Variants in ADAMTS14 observed in about 807,000 individuals in gnomAD.
ADAMTS14 encodes the protein A disintegrin and metalloproteinase with thrombospondin motifs 14.
A neutral mutation model predicts 128.6 loss-of-function variants in ADAMTS14; 100 were observed. The observed-to-expected ratio is 0.78, with a 90% CI of 0.66 to 0.92. The LOEUF (loss-of-function observed/expected upper bound fraction) is 0.92, where lower values mean the gene tolerates loss of function less well. ADAMTS14 is among the 40% of genes least tolerant of loss of function. ADAMTS14 has a pLI of 0.00. For missense variants in ADAMTS14, 1,562 were observed against 1,658.6 expected (o/e 0.94, Z 1.01); for synonymous variants, 665 against 653.8 (o/e 1.02, Z -0.26).
chr10:70,742,275 T>C (rs1401117972), intron 12 of ADAMTS14, among the ~76,000 whole-genome samples: 2 of 152,044 alleles, frequency 1.3e-5, no homozygotes, highest in East Asian at 3.9e-4. Context: ...TGTCCTGGGT[T>C]GGAGCTCCCC....
rs33982477 is a variant in ADAMTS14, at chr10:70,755,313, C to CAA, written c.2937+1322_2937+1323dup. On this transcript the variant is annotated intron_variant, in intron 19 of 21. Coordinates refer to ENST00000373207, the MANE Select transcript of ADAMTS14 (RefSeq NM_080722.4). ...AGTGACAGAGCAAGAGCTTGTCTCA[C>CAA]AAAAAAAAAAAAAAAAAGAAAAGAA... 1.2e-3 allele frequency among the ~76,000 whole-genome samples: 136 copies of CAA among 118,200 alleles called. 1 individual carries two copies. The highest frequency in any genetic ancestry group is 3.2e-3 in the African/African-American group (95 of 29,784). The allele number at this position is 118,200 out of a possible 152,430, so 77.5% of individuals were successfully genotyped here.
At chr10:70,728,559 C>A (rs997910375) in intron 4 of ADAMTS14, among the ~76,000 whole-genome samples, 3 of 152,256 alleles carry the variant, frequency 2.0e-5, no homozygotes, top group African/African-American at 4.8e-5. Context: ...CTCATGAACA[C>A]TGTTCAGGAG....
At chr10:70,742,441 A>T (rs1842030281) in intron 12 of ADAMTS14, among the ~76,000 whole-genome samples, 1 of 152,152 alleles carries the variant, frequency 6.6e-6, no homozygotes, top group African/African-American at 2.4e-5. Flanking sequence ...TCCCTACAGG[A>T]ATCTGGTTCC....
rs1842620805 is a variant in ADAMTS14 at position 70,761,873 on chromosome 10, C to G, written c.*1020C>G. 1 of 152,370 alleles carries G rather than the reference C, an allele frequency of 6.6e-6. No individual in the cohort carries two copies. Among genetic ancestry groups the G allele is most frequent in the Non-Finnish European group, 1.5e-5 (1 of 68,052 alleles). The allele number at this position is 152,370 out of a possible 1,614,324, so 9.4% of individuals were successfully genotyped here. A position where few individuals can be genotyped will look rare whatever the true frequency, so the allele number is the denominator to read the frequency against. ...GTGGTTCTCCCAGGGGTGGTTGGAC[C>G]CCAGGACTGAGGACCAGAGTCCACT... On this transcript the variant is annotated 3_prime_UTR_variant, in exon 22 of 22. Transcript: ENST00000373207.
intron 3 of ADAMTS14, among the ~76,000 whole-genome samples, chr10:70,704,711 C>T (rs1158398068): frequency 6.6e-6 from 1 of 151,076 alleles, no homozygotes; most frequent in African/African-American, 2.4e-5. Context: ...CCCACACTCA[C>T]ACATAGACAC....
chr10:70,734,411 T>G (rs1313739079), intron 8 of ADAMTS14, among the ~76,000 whole-genome samples: 2 of 152,142 alleles, frequency 1.3e-5, no homozygotes, highest in Non-Finnish European at 2.9e-5. Context: ...CTAAACCCAG[T>G]GGCTCCTAAC....
At chr10:70,707,213 G>A (rs10999474) in intron 3 of ADAMTS14, among the ~76,000 whole-genome samples, 11,826 of 152,192 alleles carry the variant, frequency 0.078, 954 homozygotes, top group East Asian at 0.49. Flanking sequence ...GCAGAGGCCC[G>A]GCCTTTATCA....
rs150715225 is a variant in ADAMTS14 at position 70,749,841 on chromosome 10, C to A, written c.2283C>A (p.Thr761=). The part of the protein sequence containing the change: ...PHRIVVKNQV[T]GSFILNPKGK... ...GGTCAGTGGTGAAGAACCAGGTCAC[C>A]GGCAGCTTCATCCTCAACCCCAAGG... Residue 761 remains threonine, a synonymous_variant, in exon 16 of 22, where the codon ACC becomes ACA. Coordinates refer to ENST00000373207, the MANE Select transcript of ADAMTS14 (RefSeq NM_080722.4). 2 of 1,613,750 alleles carry A rather than the reference C, an allele frequency of 1.2e-6. No homozygotes were observed. The highest frequency in any genetic ancestry group is 1.3e-5 in the African/African-American group (1 of 74,896).
At chr10:70,698,767 TAAACA>T (rs1374980716) in intron 2 of ADAMTS14, among the ~76,000 whole-genome samples, 1 of 152,198 alleles carries the variant, frequency 6.6e-6, no homozygotes, top group Non-Finnish European at 1.5e-5. Context: ...TTCTTTGTCC[TAAACA>T]GTTTACTGGG....
chr10:70,676,168 G>C (rs1286681026), intron 2 of ADAMTS14, among the ~76,000 whole-genome samples: 1 of 148,128 alleles, frequency 6.8e-6, no homozygotes, highest in Non-Finnish European at 1.5e-5. Context: ...TCACTATGTT[G>C]CCCAGGCTGG....
chr10:70,697,332 C>T (rs778133640), intron 2 of ADAMTS14, among the ~76,000 whole-genome samples: 1 of 152,218 alleles, frequency 6.6e-6, no homozygotes, highest in Non-Finnish European at 1.5e-5. Context: ...ATCCCCCTTT[C>T]CCAGGGCCTG....
chr10:70,742,171 A>C (rs1049493435), intron 12 of ADAMTS14, among the ~76,000 whole-genome samples: 1 of 151,638 alleles, frequency 6.6e-6, no homozygotes, highest in African/African-American at 2.4e-5. Flanking sequence ...GATTCCTCCT[A>C]CTCTGGGGAG....
intron 2 of ADAMTS14, among the ~76,000 whole-genome samples, chr10:70,676,124 G>A (rs1423291101): frequency 6.8e-6 from 1 of 147,976 alleles, no homozygotes; most frequent in African/African-American, 2.5e-5. Context: ...TCTACCCCAC[G>A]ATGAGGTTTT....
At chr10:70,731,417 C>T (rs1056867506) in intron 6 of ADAMTS14, among the ~76,000 whole-genome samples, 1 of 152,204 alleles carries the variant, frequency 6.6e-6, no homozygotes, top group Non-Finnish European at 1.5e-5. Flanking sequence ...AACATTTCAG[C>T]TCCTCTAACA....
chr10:70,733,368 C>T (rs55740268), intron 7 of ADAMTS14, among the ~76,000 whole-genome samples: 3,953 of 152,314 alleles, frequency 0.026, 62 homozygotes, highest in Middle Eastern at 0.037. Flanking sequence ...AAGCTCTGTG[C>T]CCAGCCTTGC....
At chr10:70,751,435 G>C (rs1044286010) in intron 16 of ADAMTS14, 43 bp from the exon 17 acceptor site, 1 of 1,580,280 alleles carries the variant, frequency 6.3e-7, no homozygotes, top group African/African-American at 1.3e-5. Flanking sequence ...TGCCGCCCTT[G>C]CTTCTTTCTC....
At chr10:70,736,564 C>T (rs1481138645) in intron 9 of ADAMTS14, 116 bp from the exon 10 acceptor site, 1 of 879,050 alleles carries the variant, frequency 1.1e-6, no homozygotes, top group Non-Finnish European at 1.7e-6. Flanking sequence ...TGGCTGCCTT[C>T]CCTGCAGTGC....
At chr10:70,739,125 G>A in intron 11 of ADAMTS14, 135 bp downstream of exon 11, 2 of 1,121,730 alleles carry the variant, frequency 1.8e-6, no homozygotes, top group Non-Finnish European at 2.5e-6. Context: ...AACGCATGAG[G>A]ACACAAACTT....
intron 2 of ADAMTS14, among the ~76,000 whole-genome samples, chr10:70,699,817 A>G (rs1176887747): frequency 6.6e-6 from 1 of 152,188 alleles, no homozygotes; most frequent in Non-Finnish European, 1.5e-5. Flanking sequence ...GGGGCTGAAC[A>G]GAGCCTTCCA....
Sources: allele counts gnomAD v4.1 joint callset (sites outside exome capture counted in the v4.1 genomes callset), GRCh38; gene constraint gnomAD v4.1.1; transcripts MANE v1.5; gene names NCBI Gene and HGNC (gene_info 2026-07-23, HGNC 2026-07-21).